Variants in CHMP4B observed in about 807,000 individuals in gnomAD.
CHMP4B encodes charged multivesicular body protein 4B.
A neutral mutation model predicts 25.1 loss-of-function variants in CHMP4B; 1 was observed. The observed-to-expected ratio is 0.04, with a 90% CI of 0.01 to 0.19. The LOEUF (loss-of-function observed/expected upper bound fraction) is 0.19, where lower values mean the gene tolerates loss of function less well. Among genes scored for constraint, CHMP4B ranks in the 10% least tolerant of loss-of-function variants. The pLI, the probability that CHMP4B is intolerant of heterozygous loss-of-function variation, is 1.00. For missense variants in CHMP4B, 151 were observed against 289.7 expected (o/e 0.52, Z 3.48); for synonymous variants, 101 against 115.6 (o/e 0.87, Z 0.81).
rs551898942 is a variant in CHMP4B at position 33,831,574 on chromosome 20, A to G, written c.191-16893A>G. 9.6e-4 allele frequency among the ~76,000 whole-genome samples: 145 copies of G among 151,284 alleles called. 1 individual carries two copies. Among genetic ancestry groups the G allele is most frequent in the African/African-American group, 3.3e-3 (134 of 41,108 alleles). On this transcript the variant is annotated intron_variant, in intron 1 of 4. Transcript: ENST00000217402. ...ATTTTTGTGGAGATGAGGTTTCGCT[A>G]TGTTGCCCAGGCTGGTCTTGAACTC...
At chr20:33,830,437 AATTT>A (rs1196008738) in intron 1 of CHMP4B, among the ~76,000 whole-genome samples, 2 of 152,170 alleles carry the variant, frequency 1.3e-5, no homozygotes, top group Non-Finnish European at 2.9e-5. Flanking sequence ...AAGCAACAGA[AATTT>A]ATTTTCTCAG....
intron 1 of CHMP4B, among the ~76,000 whole-genome samples, chr20:33,833,052 G>C (rs188150691): frequency 5.9e-4 from 89 of 151,988 alleles, no homozygotes; most frequent in Middle Eastern, 6.8e-3. Context: ...GCCTCCCAAA[G>C]TGCTGGGATT....
At chr20:33,813,721 TTTTG>T (rs373460449) in intron 1 of CHMP4B, among the ~76,000 whole-genome samples, 29 of 152,122 alleles carry the variant, frequency 1.9e-4, no homozygotes, top group South Asian at 1.0e-3. Context: ...GAGTTTGTTT[TTTTG>T]TTTGTTTGTT....
chr20:33,848,261 T>C (rs1979743603), intron 1 of CHMP4B, among the ~76,000 whole-genome samples: 1 of 152,228 alleles, frequency 6.6e-6, no homozygotes, highest in Non-Finnish European at 1.5e-5. Flanking sequence ...GCTTGTGTGC[T>C]TGTTTACTGG....
chr20:33,829,871 C>G (rs1482844749), intron 1 of CHMP4B, among the ~76,000 whole-genome samples: 1 of 152,150 alleles, frequency 6.6e-6, no homozygotes, highest in Non-Finnish European at 1.5e-5. Flanking sequence ...TGTAGACAGA[C>G]AGTAGATAGT....
At chr20:33,828,642 G>A (rs1979158968) in intron 1 of CHMP4B, among the ~76,000 whole-genome samples, 1 of 152,180 alleles carries the variant, frequency 6.6e-6, no homozygotes, top group Non-Finnish European at 1.5e-5. Flanking sequence ...TCCATGCAAG[G>A]GATCAGAATA....
chr20:33,811,481 G>A lies in CHMP4B; in HGVS notation c.13G>A (p.Gly5Arg). Residue 5 changes from glycine to arginine, a missense_variant, in exon 1 of 5, where the codon GGG (glycine) becomes AGG (arginine). Physicochemically the swap from Gly to Arg is moderately radical, Grantham distance 125 (BLOSUM62 -2). This residue lies in a region of CHMP4B where 28 missense variants were observed against 30.5 expected (regional missense o/e 0.92). Transcript: ENST00000217402. ...GCGAGCAGCAACCATGTCGGTGTTC[G>A]GGAAGCTGTTCGGGGCTGGAGGGGG... MSVF[G>R]KLFGAGGGKA... The A allele has an allele frequency of 1.3e-6, 2 of 1,569,938 alleles. No homozygotes were observed. The highest frequency in any genetic ancestry group is 1.7e-6 in the Non-Finnish European group (2 of 1,156,018).
chr20:33,816,334 A>G (rs560520676), intron 1 of CHMP4B, among the ~76,000 whole-genome samples: 1 of 152,346 alleles, frequency 6.6e-6, no homozygotes, highest in South Asian at 2.1e-4. Flanking sequence ...TATGGTGAGG[A>G]TTAACTAAGG....
rs535654774 is a variant in CHMP4B at position 33,837,222 on chromosome 20, C to A, written c.191-11245C>A. Among the ~76,000 whole-genome samples, 3 of 152,160 alleles carry A rather than the reference C, an allele frequency of 2.0e-5. No homozygotes were observed. The East Asian group carries it at 5.8e-4, about 29-fold the overall frequency. On this transcript the variant is annotated intron_variant, in intron 1 of 4. Transcript: ENST00000217402. ...ATTGCTTGAGCTCAGGAGTTGGAGA[C>A]CAGCCTGGGCTACAGCTATTTCGGA...
intron 1 of CHMP4B, among the ~76,000 whole-genome samples, chr20:33,847,630 G>A (rs1979722377): frequency 6.6e-6 from 1 of 152,152 alleles, no homozygotes; most frequent in African/African-American, 2.4e-5. Flanking sequence ...AGCGTGCTAG[G>A]AGGCCAAGGT....
chr20:33,818,350 T>G (rs1248351900), intron 1 of CHMP4B, among the ~76,000 whole-genome samples: 2 of 152,260 alleles, frequency 1.3e-5, no homozygotes, highest in African/African-American at 4.8e-5. Context: ...AATTCATCTC[T>G]GAGGTTGCAG....
At chr20:33,814,128 A>G (rs1308668083) in intron 1 of CHMP4B, among the ~76,000 whole-genome samples, 1 of 152,190 alleles carries the variant, frequency 6.6e-6, no homozygotes, top group Non-Finnish European at 1.5e-5. Flanking sequence ...AGACTTGCTG[A>G]AGGCAGGCTG....
intron 1 of CHMP4B, among the ~76,000 whole-genome samples, chr20:33,814,680 G>C (rs528632451): frequency 6.6e-6 from 1 of 152,230 alleles, no homozygotes; most frequent in South Asian, 2.1e-4. Context: ...TAAGCAACAG[G>C]GTCTTGCTCT....
At chr20:33,840,947 C>T (rs1010896166) in intron 1 of CHMP4B, among the ~76,000 whole-genome samples, 2 of 152,204 alleles carry the variant, frequency 1.3e-5, no homozygotes, top group East Asian at 3.8e-4. Flanking sequence ...GGAAGCTAGA[C>T]AACTGGACTC....
chr20:33,845,713 T>C (rs144992869), intron 1 of CHMP4B, among the ~76,000 whole-genome samples: 5 of 152,282 alleles, frequency 3.3e-5, no homozygotes, highest in South Asian at 4.2e-4. Flanking sequence ...CTGTGGGACA[T>C]TGGCACTTGA....
Position 33,811,785 on chromosome 20 carries a change from T to A in CHMP4B, c.190+127T>A. On this transcript the variant is annotated intron_variant, in intron 1 of 4. Transcript: ENST00000217402. ...CTGGAACTCTCCGGGTCAGACTTCTTGCCGGGTCTGGGACCCCCTCCCCGA... is the reference window on the plus strand; with the variant it reads ...CTGGAACTCTCCGGGTCAGACTTCTAGCCGGGTCTGGGACCCCCTCCCCGA... 3.1e-6 allele frequency: 3 copies of A among 979,672 alleles called. No homozygotes were observed. The Admixed American group carries it at 6.2e-5, about 20-fold the overall frequency. 60.7% of individuals were successfully genotyped at this position (979,672 alleles called of 1,614,324 possible).
chr20:33,852,891 C>T (rs1294273116), intron 4 of CHMP4B, among the ~76,000 whole-genome samples: 4 of 152,202 alleles, frequency 2.6e-5, no homozygotes, highest in Admixed American at 6.5e-5. Context: ...CCCATCCCCT[C>T]GCACAATATT....
At chr20:33,829,316 C>T (rs531059833) in intron 1 of CHMP4B, among the ~76,000 whole-genome samples, 1 of 152,352 alleles carries the variant, frequency 6.6e-6, no homozygotes, top group South Asian at 2.1e-4. Flanking sequence ...TTTGCATTCT[C>T]AGACCACATT....
At chr20:33,812,714 G>A (rs1428403705) in intron 1 of CHMP4B, among the ~76,000 whole-genome samples, 1 of 152,194 alleles carries the variant, frequency 6.6e-6, no homozygotes, top group Non-Finnish European at 1.5e-5. Context: ...GTCTGCTAGT[G>A]ACTAGCAGTG....
Sources: gnomAD v4.1 joint callset for allele counts (sites outside exome capture counted in the v4.1 genomes callset) on GRCh38, gnomAD v4.1.1 for gene constraint, gnomAD v4.1.1 regional missense constraint, MANE v1.5 for transcripts, NCBI Gene and HGNC (gene_info 2026-07-23, HGNC 2026-07-21) for gene names.